Variants in PGLYRP4 observed in about 807,000 individuals in gnomAD.
PGLYRP4 encodes peptidoglycan recognition protein 4.
PGLYRP4 carries 39 observed loss-of-function variants against 41.2 expected under a neutral mutation model. The observed-to-expected ratio is 0.95, with a 90% CI of 0.73 to 1.24. The LOEUF (loss-of-function observed/expected upper bound fraction) is 1.24. PGLYRP4 is among the 50% of genes most tolerant of loss of function. The probability of loss-of-function intolerance (pLI) is 0.00; values close to 1 mark genes in which losing one functional copy is unlikely to be tolerated. For synonymous variants in PGLYRP4, 202 were observed against 186.8 expected, an observed-to-expected ratio of 1.08 and a Z score of -0.66; for missense variants, 467 against 460.7, an observed-to-expected ratio of 1.01 and a Z score of -0.13.
intron 7 of PGLYRP4, 101 bp downstream of exon 7, chr1:153,340,279 TG>T: frequency 9.7e-7 from 1 of 1,033,242 alleles, no homozygotes; most frequent in Non-Finnish European, 1.5e-6. Context: ...GCCTCTCCTA[TG>T]GTGACTACCC....
intron 8 of PGLYRP4, among the ~76,000 whole-genome samples, chr1:153,335,685 A>G (rs542710389): frequency 6.6e-6 from 1 of 151,918 alleles, no homozygotes; most frequent in Non-Finnish European, 1.5e-5. Flanking sequence ...AGGTCACACC[A>G]CTGCACTCCA....
chr1:153,337,602 C>A (rs554069649), intron 7 of PGLYRP4, among the ~76,000 whole-genome samples: 4 of 152,266 alleles, frequency 2.6e-5, no homozygotes, highest in East Asian at 1.9e-4. Flanking sequence ...AACCAGCTCT[C>A]AAAATTCCAG....
At chr1:153,333,493 T>C (rs2117130) in intron 8 of PGLYRP4, among the ~76,000 whole-genome samples, 62,462 of 151,934 alleles carry the variant, frequency 0.41, 13,355 homozygotes, top group Non-Finnish European at 0.47. Context: ...TTCTACCAGA[T>C]GTAAAAGGAA....
chr1:153,332,174 A>G (rs567811598), intron 8 of PGLYRP4, among the ~76,000 whole-genome samples: 1 of 152,282 alleles, frequency 6.6e-6, no homozygotes, highest in East Asian at 1.9e-4. Context: ...ACACTATATC[A>G]AGTAAAACAG....
intron 8 of PGLYRP4, among the ~76,000 whole-genome samples, chr1:153,336,539 T>C (rs1660573994): frequency 6.6e-6 from 1 of 152,044 alleles, no homozygotes; most frequent in South Asian, 2.1e-4. Context: ...TGGGTACATA[T>C]TGGCACACAG....
At chr1:153,342,643 GT>G (rs36105473) in intron 5 of PGLYRP4, among the ~76,000 whole-genome samples, 122,927 of 151,904 alleles carry the variant, frequency 0.81, 50,055 homozygotes, top group Middle Eastern at 0.87. Context: ...ACCCAGAGTG[GT>G]TTTTTTTTAG....
In PGLYRP4 at chr1:153,330,746, C is replaced by G. The variant is rs2101543762; in HGVS notation, c.*21G>C. On this transcript the variant is annotated 3_prime_UTR_variant, in exon 9 of 9. Coordinates refer to ENST00000359650, the MANE Select transcript of PGLYRP4 (RefSeq NM_020393.4). Reference sequence around the variant, plus strand: ...CCTGACAGGGGAGGGAAAGCAGTCTCAGAAGGACCTGGGGCTTCTCTCAGT... The same window carrying G: ...CCTGACAGGGGAGGGAAAGCAGTCTGAGAAGGACCTGGGGCTTCTCTCAGT... The G allele has an allele frequency of 6.2e-7, 1 of 1,605,320 alleles. No homozygotes were observed. Among genetic ancestry groups the G allele is most frequent in the Non-Finnish European group, 8.5e-7 (1 of 1,173,608 alleles).
chr1:153,330,907 C>A lies in PGLYRP4; in HGVS notation c.982G>T (p.Asp328Tyr). 6.2e-7 allele frequency: 1 copy of A among 1,614,004 alleles called. No individual in the cohort carries two copies. The highest frequency in any genetic ancestry group is 8.5e-7 in the Non-Finnish European group (1 of 1,179,930). Reference sequence around the variant, plus strand: ...TTGACCATGGCACACTGGATCAGGTCTTGGGCTGCCTCTAGTGCTGCAGCA... The same window carrying A: ...TTGACCATGGCACACTGGATCAGGTATTGGGCTGCCTCTAGTGCTGCAGCA... ...PNAAALEAAQ[D>Y]LIQCAMVKGY... The change falls in exon 9 of 9, where the codon GAC (aspartate) becomes TAC (tyrosine). Residue 328 changes from aspartate (D) to tyrosine (Y), a missense_variant. Coordinates refer to ENST00000359650, the MANE Select transcript of PGLYRP4 (RefSeq NM_020393.4).
intron 7 of PGLYRP4, 74 bp downstream of exon 7, chr1:153,340,307 C>G (rs976275501): frequency 2.9e-6 from 4 of 1,357,726 alleles, no homozygotes; most frequent in Non-Finnish European, 4.2e-6. Flanking sequence ...TATTAGTTCC[C>G]TTTCCCCTTC....
intron 6 of PGLYRP4, among the ~76,000 whole-genome samples, chr1:153,340,812 A>G (rs1233751680): frequency 6.6e-6 from 1 of 152,212 alleles, no homozygotes; most frequent in African/African-American, 2.4e-5. Flanking sequence ...TTTGTAATCC[A>G]TGAAACTCTC....
intron 6 of PGLYRP4, among the ~76,000 whole-genome samples, chr1:153,341,121 GTGTT>G (rs1320464500): frequency 6.6e-6 from 1 of 152,144 alleles, no homozygotes; most frequent in Non-Finnish European, 1.5e-5. Context: ...TCAGAAATGT[GTGTT>G]TGTGTGTGTT....
rs377093012 is a variant in PGLYRP4 at position 153,345,192 on chromosome 1, G to C, written c.330C>G (p.Asn110Lys). 2.5e-5 allele frequency: 40 copies of C among 1,612,094 alleles called. No homozygotes were observed. The African/African-American group carries it at 3.8e-4, about 15-fold the overall frequency. Reference sequence around the variant, plus strand: ...ACTTGTAGGCCACATCACACCCACTGTTGTTGTGGACATGATGGGCCTGCA... The same window carrying C: ...ACTTGTAGGCCACATCACACCCACTCTTGTTGTGGACATGATGGGCCTGCA... ...RELQAHHVHN[N>K]SGCDVAYNFL... The change falls in exon 4 of 9, where the codon AAC becomes AAG. Residue 110 changes from asparagine (N) to lysine (K), a missense_variant. Physicochemically the swap from Asn to Lys is moderately conservative, Grantham distance 94. Coordinates refer to ENST00000359650, the MANE Select transcript of PGLYRP4 (RefSeq NM_020393.4).
rs555150775 is a variant in PGLYRP4, at chr1:153,332,414, G to A, written c.944-1469C>T. ...GCTAGACCTAAGAAAAGAGATGAATGGCAATATAATAATAGTGGAGAGCTT... is the reference window on the plus strand; with the variant it reads ...GCTAGACCTAAGAAAAGAGATGAATAGCAATATAATAATAGTGGAGAGCTT... On this transcript the variant is annotated intron_variant, in intron 8 of 8. Transcript: ENST00000359650. Among the ~76,000 whole-genome samples the A allele has an allele frequency of 1.2e-4, 18 of 152,112 alleles. No homozygotes were observed. In the South Asian group the frequency reaches 3.5e-3, roughly 30 times the overall value.
chr1:153,334,967 T>C (rs1355245663), intron 8 of PGLYRP4, among the ~76,000 whole-genome samples: 1 of 152,118 alleles, frequency 6.6e-6, no homozygotes, highest in Non-Finnish European at 1.5e-5. Flanking sequence ...GACACCCTAT[T>C]GAATAAATGG....
chr1:153,337,387 T>C (rs1427859919), intron 7 of PGLYRP4, 88 bp from the exon 8 acceptor site: 1 of 763,440 alleles, frequency 1.3e-6, no homozygotes, highest in African/African-American at 1.8e-5. Context: ...ATGTCTTTAC[T>C]ACTTCAGACT....
At position 153,330,940 on chromosome 1, in the gene PGLYRP4, G is replaced by A; in HGVS notation, c.949C>T (p.Pro317Ser). 6.2e-7 allele frequency: 1 copy of A among 1,611,780 alleles called. No homozygotes were observed. The highest frequency in any genetic ancestry group is 8.5e-7 in the Non-Finnish European group (1 of 1,178,426). Residue 317 changes from proline (P) to serine (S), a missense_variant, in exon 9 of 9, where the codon CCA becomes TCA. By Grantham distance (74) the Pro-to-Ser change is moderately conservative. Coordinates refer to ENST00000359650, the MANE Select transcript of PGLYRP4 (RefSeq NM_020393.4). ...GCCTCTAGTGCTGCAGCATTGGGTG[G>A]TATACCTGCAAAACACAGCAGCCCA... The part of the protein sequence containing the change: ...ITFMGTFTGI[P>S]PNAAALEAAQ...
Position 153,335,120 on chromosome 1 carries a change from C to T in PGLYRP4, c.943+2061G>A, listed in dbSNP as rs573723794. On this transcript the variant is annotated intron_variant, in intron 8 of 8. Transcript: ENST00000359650. ...GAAGAAAACCCAGGGAAAAACTCTT[C>T]TGGACATGGGCCTAGGCAAAGCATT... Among the ~76,000 whole-genome samples the T allele has an allele frequency of 4.9e-4, 74 of 152,244 alleles. No homozygotes were observed. In the South Asian group the frequency reaches 0.014, roughly 29 times the overall value.
At chr1:153,347,860 T>G (rs1224990603) in intron 2 of PGLYRP4, 24 bp downstream of exon 2, 1 of 1,582,676 alleles carries the variant, frequency 6.3e-7, no homozygotes, top group Non-Finnish European at 8.7e-7. Flanking sequence ...CGGTTGCTTT[T>G]TGGCCCAGGG....
intron 2 of PGLYRP4, among the ~76,000 whole-genome samples, chr1:153,347,282 G>A (rs1305056245): frequency 6.6e-6 from 1 of 151,900 alleles, no homozygotes; most frequent in Non-Finnish European, 1.5e-5. Context: ...CTCCTTATCT[G>A]CATGCCTCGG....
Sources: allele counts gnomAD v4.1 joint callset (sites outside exome capture counted in the v4.1 genomes callset), GRCh38; gene constraint gnomAD v4.1.1; transcripts MANE v1.5; gene names NCBI Gene and HGNC (gene_info 2026-07-23, HGNC 2026-07-21).